Variants in MED16 observed in about 807,000 individuals in gnomAD.
The protein encoded by MED16 is mediator of RNA polymerase II transcription subunit 16.
In MED16, 81 loss-of-function variants were observed where a neutral mutation model predicts 84.4. The ratio of observed to expected loss-of-function variants is 0.96; its 90% CI spans 0.80 to 1.15. The LOEUF (loss-of-function observed/expected upper bound fraction) is 1.15, where lower values mean the gene tolerates loss of function less well. MED16 is among the 50% of genes most tolerant of loss of function. The probability of loss-of-function intolerance (pLI) is 0.00; values close to 1 mark genes in which losing one functional copy is unlikely to be tolerated. For missense variants in MED16, 1,585 were observed against 1,245.9 expected (o/e 1.27, Z -4.10); for synonymous variants, 897 against 552.2 (o/e 1.62, Z -8.76).
At chr19:881,350 G>A (rs1006001906) in intron 7 of MED16, among the ~76,000 whole-genome samples, 1 of 152,194 alleles carries the variant, frequency 6.6e-6, no homozygotes, top group Non-Finnish European at 1.5e-5. Flanking sequence ...GGATCTGTCT[G>A]CCAGCCTCAC....
chr19:889,496 G>A (rs1003840221), intron 4 of MED16, 142 bp downstream of exon 4: 10 of 901,614 alleles, frequency 1.1e-5, no homozygotes, highest in Admixed American at 2.8e-5. Context: ...AGGTGCTAAT[G>A]ACAGCCGGAC....
intron 14 of MED16, 73 bp downstream of exon 14, chr19:868,790 G>A: frequency 5.5e-6 from 8 of 1,465,332 alleles, no homozygotes; most frequent in East Asian, 2.5e-5. Context: ...GGAGCGCTGG[G>A]TGGGGGCTAG....
At chr19:874,634 G>A (rs557420422) in intron 10 of MED16, among the ~76,000 whole-genome samples, 6 of 152,216 alleles carry the variant, frequency 3.9e-5, no homozygotes, top group East Asian at 1.9e-4. Flanking sequence ...TCAGCCCCCA[G>A]GAGTAGAGAG....
chr19:873,771 C>A (rs547734955), intron 10 of MED16, among the ~76,000 whole-genome samples, 189 bp from the exon 11 acceptor site: 3 of 151,960 alleles, frequency 2.0e-5, no homozygotes, highest in East Asian at 1.9e-4. Context: ...CACTGCCTGC[C>A]CCCCCCCGGG....
chr19:882,742 G>A (rs1019808213), intron 6 of MED16, among the ~76,000 whole-genome samples: 1 of 152,362 alleles, frequency 6.6e-6, no homozygotes, highest in Admixed American at 6.5e-5. Flanking sequence ...CTGCTGGCCT[G>A]AGCTGCTCAG....
At position 885,848 on chromosome 19, in the gene MED16, G is replaced by A. The variant is rs1217120769; in HGVS notation, c.801C>T (p.Cys267=). The change falls in exon 5 of 16, where the codon TGC becomes TGT. Residue 267 remains cysteine (C), a synonymous_variant. Transcript: ENST00000325464. ...TEILPSLFMR[C]TTDLNRKDKF... Reference sequence around the variant, plus strand: ...TGTCCTTGCGGTTGAGGTCGGTGGTGCAGCGCATGAACAGGGAGGGCAGGA... The same window carrying A: ...TGTCCTTGCGGTTGAGGTCGGTGGTACAGCGCATGAACAGGGAGGGCAGGA... The A allele has an allele frequency of 1.9e-6, 3 of 1,613,780 alleles. No individual in the cohort carries two copies. Among genetic ancestry groups the A allele is most frequent in the Non-Finnish European group, 8.5e-7 (1 of 1,179,976 alleles).
At chr19:886,497 C>T (rs927834292) in intron 4 of MED16, among the ~76,000 whole-genome samples, 5 of 152,258 alleles carry the variant, frequency 3.3e-5, no homozygotes, top group African/African-American at 9.6e-5. Flanking sequence ...GGACAGACAG[C>T]AGCATGCTCG....
intron 10 of MED16, 96 bp downstream of exon 10, chr19:875,148 A>C (rs1046501966): frequency 3.5e-6 from 3 of 850,902 alleles, no homozygotes; most frequent in Non-Finnish European, 5.1e-6. Context: ...TGGGCAACAG[A>C]GTAAGACCCT....
At position 877,167 on chromosome 19, in the gene MED16, C is replaced by T. The variant is rs775760358; in HGVS notation, c.1367G>A (p.Arg456His). The T allele has an allele frequency of 2.2e-5, 35 of 1,609,620 alleles. No individual in the cohort carries two copies. The highest frequency in any genetic ancestry group is 2.8e-5 in the Non-Finnish European group (33 of 1,178,946). Residue 456 changes from arginine to histidine, a missense_variant, in exon 9 of 16, where the codon CGC (arginine) becomes CAC (histidine). Arg to His is a conservative substitution (Grantham distance 29). Coordinates refer to ENST00000325464, the MANE Select transcript of MED16 (RefSeq NM_005481.3). ...IDSHGKLSVL[R>H]LSPSMGHPLE... ...CGGGTGGCCCATGGAAGGTGAGAGG[C>T]GGAGCACGCTCAGCTGCCAGAGACA...
At chr19:868,539 G>A in intron 14 of MED16, 40 bp from the exon 15 acceptor site, 1 of 1,602,602 alleles carries the variant, frequency 6.2e-7, no homozygotes, top group South Asian at 1.1e-5. Flanking sequence ...CCACTTCCAG[G>A]CGGGCCTCCC....
intron 8 of MED16, among the ~76,000 whole-genome samples, chr19:878,350 T>C (rs1185767980): frequency 1.6e-4 from 12 of 73,538 alleles, no homozygotes; most frequent in East Asian, 5.2e-4. Flanking sequence ...TGGTTGTCAA[T>C]GCCCACCAGC....
intron 14 of MED16, 89 bp downstream of exon 14, chr19:868,774 C>T (rs1028754213): frequency 8.7e-6 from 12 of 1,383,272 alleles, no homozygotes; most frequent in African/African-American, 5.8e-5. Context: ...CCACCCTTGA[C>T]CGTCTGGAGC....
intron 6 of MED16, among the ~76,000 whole-genome samples, chr19:884,696 G>A (rs560865015): frequency 6.6e-6 from 1 of 152,318 alleles, no homozygotes; most frequent in South Asian, 2.1e-4. Context: ...GAAGGATGGA[G>A]GAGTCTATAC....
In MED16 at chr19:868,598, G is replaced by A. The variant is rs537168959; in HGVS notation, c.2400-99C>T. On this transcript the variant is annotated intron_variant, in intron 14 of 15. Transcript: ENST00000325464. Reference sequence around the variant, plus strand: ...CCAGGCAGGTCTCCCTCTGCTCGCCGTCCCTCACGCCTGCTCCCCACGTCC... The same window carrying A: ...CCAGGCAGGTCTCCCTCTGCTCGCCATCCCTCACGCCTGCTCCCCACGTCC... The A allele has an allele frequency of 2.2e-4, 320 of 1,482,070 alleles. 2 individuals carry two copies. In the South Asian group the frequency reaches 2.7e-3, roughly 12 times the overall value. The allele number at this position is 1,482,070 out of a possible 1,614,324, so 91.8% of individuals were successfully genotyped here.
chr19:881,340 G>A (rs537731582), intron 7 of MED16, among the ~76,000 whole-genome samples: 3 of 152,304 alleles, frequency 2.0e-5, no homozygotes, highest in South Asian at 2.1e-4. Flanking sequence ...AAAGAACACT[G>A]GATCTGTCTG....
chr19:871,032 C>CCT lies in MED16; in HGVS notation c.2315+4_2315+5insAG. On this transcript the variant is annotated splice_donor_region_variant and intron_variant, in intron 13 of 15. Coordinates refer to ENST00000325464, the MANE Select transcript of MED16 (RefSeq NM_005481.3). ...GTTTGGGGACCAATGCAGGGACACA[C>CCT]GCACCTGGCGAGGCCGTCGAGCTGC... is the stretch of plus-strand genomic sequence containing the variant. 1 of 1,538,296 alleles carries CCT rather than the reference C, an allele frequency of 6.5e-7. No homozygotes were observed. The highest frequency in any genetic ancestry group is 8.8e-7 in the Non-Finnish European group (1 of 1,138,968).
intron 1 of MED16, 127 bp downstream of exon 1, chr19:892,959 A>G (rs1599350552): frequency 7.1e-6 from 1 of 140,610 alleles, no homozygotes; most frequent in Non-Finnish European, 1.6e-5. Flanking sequence ...CCTACCCAGC[A>G]GCCTTTGCTC....
At chr19:872,636 G>A (rs1341681206) in intron 11 of MED16, among the ~76,000 whole-genome samples, 2 of 151,244 alleles carry the variant, frequency 1.3e-5, no homozygotes, top group Non-Finnish European at 2.9e-5. Context: ...AGCTGGGGCA[G>A]GACAGAGTGT....
chr19:871,698 C>T lies in MED16; in HGVS notation c.2098+228G>A, dbSNP rs768356865. On this transcript the variant is annotated intron_variant, in intron 12 of 15. Coordinates refer to ENST00000325464, the MANE Select transcript of MED16 (RefSeq NM_005481.3). Reference sequence around the variant, plus strand: ...AGCAGATATCAAGGCAGAGCCACTGCCACCTGCAGGGGCTTATGTTCTGGC... The same window carrying T: ...AGCAGATATCAAGGCAGAGCCACTGTCACCTGCAGGGGCTTATGTTCTGGC... The T allele has an allele frequency of 5.7e-5, 79 of 1,385,318 alleles. No individual in the cohort carries two copies. Among genetic ancestry groups the T allele is most frequent in the Non-Finnish European group, 7.2e-5 (73 of 1,015,992 alleles). 85.8% of individuals were successfully genotyped at this position (1,385,318 alleles called of 1,614,324 possible). A position where few individuals can be genotyped will look rare whatever the true frequency, so the allele number is the denominator to read the frequency against.
Sources: allele counts gnomAD v4.1 joint callset (sites outside exome capture counted in the v4.1 genomes callset), GRCh38; gene constraint gnomAD v4.1.1; transcripts MANE v1.5; gene names NCBI Gene and HGNC (gene_info 2026-07-23, HGNC 2026-07-21).